The following CYP4V2 variants were observed in gnomAD, a reference collection of about 807,000 sequenced individuals.
CYP4V2 encodes cytochrome P450 4V2.
Under a neutral mutation model 60.8 loss-of-function variants are expected in CYP4V2, and 55 were observed. The observed-to-expected ratio is 0.90, with a 90% CI of 0.73 to 1.13. CYP4V2 has a LOEUF of 1.13. CYP4V2 is among the 50% of genes most tolerant of loss of function. The probability of loss-of-function intolerance (pLI) is 0.00; values close to 1 mark genes in which losing one functional copy is unlikely to be tolerated. For synonymous variants in CYP4V2, 239 were observed against 236.8 expected, an observed-to-expected ratio of 1.01 and a Z score of -0.08; for missense variants, 675 against 662.9, an observed-to-expected ratio of 1.02 and a Z score of -0.20.
Position 186,201,215 on chromosome 4 carries a change from G to C in CYP4V2, c.860G>C (p.Arg287Thr), listed in dbSNP as rs1414283773. 3 of 1,614,160 alleles carry C rather than the reference G, an allele frequency of 1.9e-6. No homozygotes were observed. In the East Asian group the frequency reaches 6.7e-5, roughly 36 times the overall value. Residue 287 changes from arginine to threonine, a missense_variant, in exon 7 of 11, where the codon AGG becomes ACG. By Grantham distance (71) the Arg-to-Thr change is moderately conservative. Coordinates refer to ENST00000378802, the MANE Select transcript of CYP4V2 (RefSeq NM_207352.4). ...AATGAAGACTGTAGAGGTGATGGCAGGGGCTCTGCCCCCTCCAAAAATAAA... is the reference window on the plus strand; with the variant it reads ...AATGAAGACTGTAGAGGTGATGGCACGGGCTCTGCCCCCTCCAAAAATAAA... ...NANEDCRGDG[R>T]GSAPSKNKRR...
Position 186,191,705 on chromosome 4 carries a change from C to A in CYP4V2, c.-119C>A. On this transcript the variant is annotated 5_prime_UTR_variant, in exon 1 of 11. Transcript: ENST00000378802. Reference sequence around the variant, plus strand: ...TTCCGGGGACCGGGCGACCCCGCAGCGGGGAGCGCGCCAGGTCCGCGCGGG... The same window carrying A: ...TTCCGGGGACCGGGCGACCCCGCAGAGGGGAGCGCGCCAGGTCCGCGCGGG... 2.0e-6 allele frequency: 2 copies of A among 985,004 alleles called. No homozygotes were observed. The highest frequency in any genetic ancestry group is 4.5e-5 in the South Asian group (1 of 22,282). The allele number at this position is 985,004 out of a possible 1,614,324, so 61.0% of individuals were successfully genotyped here. A position where few individuals can be genotyped will look rare whatever the true frequency, so the allele number is the denominator to read the frequency against.
intron 1 of CYP4V2, 92 bp from the exon 2 acceptor site, chr4:186,194,408 A>T: frequency 9.5e-7 from 1 of 1,048,304 alleles, no homozygotes; most frequent in Non-Finnish European, 1.5e-6. Context: ...CAGAATTAGT[A>T]TATTCATCAA....
intron 5 of CYP4V2, 40 bp downstream of exon 5, chr4:186,197,642 G>T: frequency 1.9e-6 from 3 of 1,596,248 alleles, no homozygotes; most frequent in South Asian, 2.2e-5. Flanking sequence ...AATTATTATT[G>T]ATTTAGGCTT....
intron 10 of CYP4V2, among the ~76,000 whole-genome samples, chr4:186,209,520 A>G (rs977151922): frequency 1.3e-5 from 2 of 152,184 alleles, no homozygotes; most frequent in Non-Finnish European, 2.9e-5. Context: ...TAAACAGCAG[A>G]AATTTATTTT....
chr4:186,211,930 T>C lies in CYP4V2; in HGVS notation c.*1289T>C, dbSNP rs1365514820. 1 of 152,206 alleles carries C rather than the reference T, an allele frequency of 6.6e-6. No individual in the cohort carries two copies. The highest frequency in any genetic ancestry group is 1.9e-4 in the East Asian group (1 of 5,196). 9.4% of individuals were successfully genotyped at this position (152,206 alleles called of 1,614,324 possible). On this transcript the variant is annotated 3_prime_UTR_variant, in exon 11 of 11. Coordinates refer to ENST00000378802, the MANE Select transcript of CYP4V2 (RefSeq NM_207352.4). ...CCTCATAGAATCCCAGTCACCTTTA[T>C]ATATCATATTATTGGAAGAGATTCA... is the stretch of plus-strand genomic sequence containing the variant.
At chr4:186,203,084 GCACA>G (rs72472525) in intron 7 of CYP4V2, 53,394 of 151,278 alleles carry the variant, frequency 0.35, 9,956 homozygotes, top group South Asian at 0.55. Flanking sequence ...ACACATAAAT[GCACA>G]CAGCTATGTA....
intron 6 of CYP4V2, among the ~76,000 whole-genome samples, chr4:186,199,707 T>C (rs1736253948): frequency 6.6e-6 from 1 of 152,224 alleles, no homozygotes; most frequent in Non-Finnish European, 1.5e-5. Context: ...AACTAGATAT[T>C]AGTATTCTAT....
rs111657485 is a variant in CYP4V2, at chr4:186,210,935, C to G, written c.*294C>G. 10 of 289,458 alleles carry G rather than the reference C, an allele frequency of 3.5e-5. No individual in the cohort carries two copies. The highest frequency in any genetic ancestry group is 2.0e-4 in the African/African-American group (9 of 44,148). The allele number at this position is 289,458 out of a possible 1,614,324, so 17.9% of individuals were successfully genotyped here. A position where few individuals can be genotyped will look rare whatever the true frequency, so the allele number is the denominator to read the frequency against. On this transcript the variant is annotated 3_prime_UTR_variant, in exon 11 of 11. Transcript: ENST00000378802. ...CACTGCAACCTCCACCTCCCAGGTT[C>G]AAGCAATTCTTCTGCCTCAGCCTCC... is the stretch of plus-strand genomic sequence containing the variant.
rs753751184 is a variant in CYP4V2 at position 186,194,545 on chromosome 4, TGCC to T, written c.263_265del (p.Pro88del). 1.2e-5 allele frequency: 19 copies of T among 1,614,116 alleles called. No individual in the cohort carries two copies. In the South Asian group the frequency reaches 2.0e-4, roughly 17 times the overall value. On this transcript the variant is annotated inframe_deletion, in exon 2 of 11. Coordinates refer to ENST00000378802, the MANE Select transcript of CYP4V2 (RefSeq NM_207352.4). ...GAGTACACAGAGGAATACCGCCACA[TGCC>T]GCTGCTGAAGCTCTGGGTCGGGCCA...
At chr4:186,199,989 C>A (rs1456234733) in intron 6 of CYP4V2, among the ~76,000 whole-genome samples, 1 of 152,080 alleles carries the variant, frequency 6.6e-6, no homozygotes. Flanking sequence ...TCCATGAATG[C>A]AATGTTGGCT....
At chr4:186,204,429 AG>A (rs1554074686) in intron 7 of CYP4V2, 1 of 32,008 alleles carries the variant, frequency 3.1e-5, no homozygotes, top group African/African-American at 2.2e-4. Context: ...CGCTGGCGTA[AG>A]AGGTGGAGGT....
At chr4:186,205,104 C>G (rs1736458092) in intron 7 of CYP4V2, 96 bp from the exon 8 acceptor site, 1 of 1,135,252 alleles carries the variant, frequency 8.8e-7, no homozygotes, top group Non-Finnish European at 1.3e-6. Context: ...ACAGTGCAGT[C>G]ATCAAATCCA....
chr4:186,205,594 A>G (rs918198932), intron 8 of CYP4V2, among the ~76,000 whole-genome samples: 1 of 152,270 alleles, frequency 6.6e-6, no homozygotes, highest in African/African-American at 2.4e-5. Flanking sequence ...ATTTGAGTGA[A>G]GAAGGTGCTA....
intron 1 of CYP4V2, chr4:186,192,272 A>G: frequency 1.4e-6 from 1 of 704,326 alleles, no homozygotes; most frequent in East Asian, 2.7e-5. Context: ...GGTATTTCCA[A>G]ACCCCTGCCC....
rs1736610479 is a variant in CYP4V2, at chr4:186,208,847, T to C, written c.1091-18T>C. ...CCCACTGCTCTTTCAGGTCATCTTA[T>C]CTACTTGCTTTCATCAGGGAAGTCT... is the stretch of plus-strand genomic sequence containing the variant. On this transcript the variant is annotated intron_variant, in intron 8 of 10. Coordinates refer to ENST00000378802, the MANE Select transcript of CYP4V2 (RefSeq NM_207352.4). 1 of 1,614,112 alleles carries C rather than the reference T, an allele frequency of 6.2e-7. No individual in the cohort carries two copies. Among genetic ancestry groups the C allele is most frequent in the Admixed American group, 1.7e-5 (1 of 60,010 alleles).
rs890686622 is a variant in CYP4V2, at chr4:186,194,713, G to A, written c.327+101G>A. 6 of 1,126,516 alleles carry A rather than the reference G, an allele frequency of 5.3e-6. No individual in the cohort carries two copies. In the African/African-American group the frequency reaches 7.7e-5, roughly 14 times the overall value. The allele number at this position is 1,126,516 out of a possible 1,614,324, so 69.8% of individuals were successfully genotyped here. On this transcript the variant is annotated intron_variant, in intron 2 of 10. Coordinates refer to ENST00000378802, the MANE Select transcript of CYP4V2 (RefSeq NM_207352.4). ...GTGTCCTTATATTTCAGCCATTTCA[G>A]CACAAAAAACATTCCACTAAGTATT... is the stretch of plus-strand genomic sequence containing the variant.
chr4:186,200,582 C>T (rs979196793), intron 6 of CYP4V2, among the ~76,000 whole-genome samples: 1 of 152,070 alleles, frequency 6.6e-6, no homozygotes, highest in African/African-American at 2.4e-5. Context: ...TGTTAGGAGG[C>T]GTCGCAGTGC....
In CYP4V2 at chr4:186,196,981, C is replaced by T; in HGVS notation, c.455C>T (p.Pro152Leu). 1 of 1,613,410 alleles carries T rather than the reference C, an allele frequency of 6.2e-7. No individual in the cohort carries two copies. The highest frequency in any genetic ancestry group is 8.5e-7 in the Non-Finnish European group (1 of 1,179,934). The change falls in exon 4 of 11, where the codon CCC becomes CTC. Residue 152 changes from proline (P) to leucine (L), a missense_variant. Pro to Leu is a moderately conservative substitution (Grantham distance 98). Coordinates refer to ENST00000378802, the MANE Select transcript of CYP4V2 (RefSeq NM_207352.4). ...KWRSRRKMLT[P>L]TFHFTILEDF... ...CGCTCCAGGAGAAAGATGTTAACACCCACTTTCCATTTTACCATTCTGGAA... is the reference window on the plus strand; with the variant it reads ...CGCTCCAGGAGAAAGATGTTAACACTCACTTTCCATTTTACCATTCTGGAA...
At chr4:186,204,268 A>AAGAGGGGGCGGTGG (rs1561435414) in intron 7 of CYP4V2, 7 of 157,582 alleles carry the variant, frequency 4.4e-5, no homozygotes, top group African/African-American at 1.3e-4. Context: ...ACGCTGGCGT[A>AAGAGGGGGCGGTGG]AGACGCGGCG....
Sources: allele counts gnomAD v4.1 joint callset (sites outside exome capture counted in the v4.1 genomes callset), GRCh38; gene constraint gnomAD v4.1.1; transcripts MANE v1.5; gene names NCBI Gene and HGNC (gene_info 2026-07-23, HGNC 2026-07-21).